CRIP1: variants seen among roughly 807,000 people sequenced by gnomAD.
The protein encoded by CRIP1 is cysteine-rich protein 1.
A neutral mutation model predicts 12.9 loss-of-function variants in CRIP1; 11 were observed. The observed-to-expected ratio is 0.86, with a 90% CI of 0.54 to 1.42. CRIP1 has a LOEUF of 1.42. Ranked by LOEUF, CRIP1 falls within the 40% of genes most tolerant of loss-of-function variation. CRIP1 has a pLI of 0.00. For synonymous variants in CRIP1, 41 were observed against 37.2 expected, an observed-to-expected ratio of 1.10 and a Z score of -0.37; for missense variants, 122 against 101.3, an observed-to-expected ratio of 1.20 and a Z score of -0.88.
intron 2 of CRIP1, 68 bp from the exon 3 acceptor site, chr14:105,488,098 G>T: frequency 6.6e-7 from 1 of 1,512,764 alleles, no homozygotes; most frequent in Non-Finnish European, 9.0e-7. Flanking sequence ...GCAAGAGGCG[G>T]GTACGCCAGT....
chr14:105,487,110 G>A, intron 1 of CRIP1, 89 bp from the exon 2 acceptor site: 2 of 1,406,716 alleles, frequency 1.4e-6, no homozygotes, highest in Non-Finnish European at 1.9e-6. Context: ...CAAGTCCTGG[G>A]TTCAGAGGGC....
chr14:105,488,349 T>C lies in CRIP1; in HGVS notation c.154T>C (p.Cys52Arg). 6.2e-7 allele frequency: 1 copy of C among 1,613,472 alleles called. No individual in the cohort carries two copies. The highest frequency in any genetic ancestry group is 2.2e-5 in the East Asian group (1 of 44,874). The change falls in exon 4 of 6, where the codon TGC becomes CGC. Residue 52 changes from cysteine to arginine, a missense_variant. Cys to Arg is a radical substitution (Grantham distance 180, BLOSUM62 -3). Transcript: ENST00000392531. ...GHAEHEGKPY[C>R]NHPCYAAMFG... is the part of the protein sequence containing the mutation. Reference sequence around the variant, plus strand: ...TTTGCAGCACGAAGGCAAACCCTACTGCAACCACCCCTGCTACGCAGCCAT... The same window carrying C: ...TTTGCAGCACGAAGGCAAACCCTACCGCAACCACCCCTGCTACGCAGCCAT...
chr14:105,487,297 T>G lies in CRIP1; in HGVS notation c.38T>G (p.Phe13Cys), dbSNP rs1308419509. The change falls in exon 2 of 6, where the codon TTC (phenylalanine) becomes TGC (cysteine). Residue 13 changes from phenylalanine to cysteine, a missense_variant and splice_region_variant. Transcript: ENST00000392531. ...CCCAAGTGCAACAAGGAGGTGTACT[T>G]CGGTGAGCGCGCCCACACCGGCCCC... ...KCPKCNKEVYFAERVTSLGKD... is the reference protein window; with the variant it reads ...KCPKCNKEVYCAERVTSLGKD... 1.3e-6 allele frequency: 2 copies of G among 1,543,418 alleles called. No individual in the cohort carries two copies. Among genetic ancestry groups the G allele is most frequent in the Admixed American group, 2.0e-5 (1 of 50,754 alleles).
At position 105,486,928 on chromosome 14, in the gene CRIP1, G is replaced by A. The variant is rs1555438168; in HGVS notation, c.-106G>A. On this transcript the variant is annotated 5_prime_UTR_variant, in exon 1 of 6. Transcript: ENST00000392531. ...GACCCGGGAGACATCACAGCGCTGG[G>A]CTAGGGGCGCGGCTTGAACTCGCCT... 2.6e-6 allele frequency: 3 copies of A among 1,151,418 alleles called. No individual in the cohort carries two copies. In the African/African-American group the frequency reaches 4.9e-5, roughly 19 times the overall value. The allele number at this position is 1,151,418 out of a possible 1,614,324, so 71.3% of individuals were successfully genotyped here. A position where few individuals can be genotyped will look rare whatever the true frequency, so the allele number is the denominator to read the frequency against.
intron 2 of CRIP1, 79 bp from the exon 3 acceptor site, chr14:105,488,087 T>G: frequency 6.7e-7 from 1 of 1,485,414 alleles, no homozygotes; most frequent in South Asian, 1.2e-5. Context: ...CAGAGCTGGC[T>G]GCAAGAGGCG....
In CRIP1 at chr14:105,488,315, G is replaced by A. The variant is rs782489962; in HGVS notation, c.136-16G>A. On this transcript the variant is annotated splice_polypyrimidine_tract_variant and intron_variant, in intron 3 of 5. Transcript: ENST00000392531. ...CCAGGGGTGATGGCACCCCCTCACG[G>A]CCCTTCTCTTTGCAGCACGAAGGCA... is the stretch of plus-strand genomic sequence containing the variant. 1.9e-6 allele frequency: 3 copies of A among 1,613,440 alleles called. No homozygotes were observed. The highest frequency in any genetic ancestry group is 2.2e-5 in the South Asian group (2 of 91,090).
chr14:105,487,882 C>T (rs2141772972), intron 2 of CRIP1: 1 of 484,282 alleles, frequency 2.1e-6, no homozygotes, highest in East Asian at 3.6e-5. Flanking sequence ...CTCGGCCTCG[C>T]CCTCTAGCCC....
Position 105,487,456 on chromosome 14 carries a change from G to A in CRIP1, c.40+157G>A, listed in dbSNP as rs1595463962. The A allele has an allele frequency of 8.2e-6, 5 of 613,044 alleles. No individual in the cohort carries two copies. In the East Asian group the frequency reaches 1.6e-4, roughly 20 times the overall value. 38.0% of individuals were successfully genotyped at this position (613,044 alleles called of 1,614,324 possible). On this transcript the variant is annotated intron_variant, in intron 2 of 5. Coordinates refer to ENST00000392531, the MANE Select transcript of CRIP1 (RefSeq NM_001311.5). ...CGCCGCCTGCCCCGGGATGAGGGTG[G>A]AGGCCCCTGCGTCCGAGGGCCCTGG...
At chr14:105,487,623 G>C (rs587647056) in intron 2 of CRIP1, 1 of 299,608 alleles carries the variant, frequency 3.3e-6, no homozygotes, top group Non-Finnish European at 6.1e-6. Context: ...GAAGGAACGC[G>C]GGGCTGGGGC....
At chr14:105,487,120 C>A (rs1871634571) in intron 1 of CRIP1, 79 bp from the exon 2 acceptor site, 2 of 1,404,994 alleles carry the variant, frequency 1.4e-6, no homozygotes, top group Non-Finnish European at 1.9e-6. Context: ...GTTCAGAGGG[C>A]GGGGCGCGAG....
chr14:105,488,657 GCACAGGTGGTGGAGAC>G lies in CRIP1; in HGVS notation c.*6-4_*17del. 1.1e-6 allele frequency: 1 copy of G among 898,700 alleles called. No homozygotes were observed. Among genetic ancestry groups the G allele is most frequent in the Non-Finnish European group, 1.7e-6 (1 of 580,792 alleles). The allele number at this position is 898,700 out of a possible 1,614,324, so 55.7% of individuals were successfully genotyped here. A position where few individuals can be genotyped will look rare whatever the true frequency, so the allele number is the denominator to read the frequency against. ...CTCACGTCTGTGCCTGTCTCTCTCTGCACAGGTGGTGGAGACCCCATCCTTGGCTGCTTGCAGGGCC... is the reference window on the plus strand; with the variant it reads ...CTCACGTCTGTGCCTGTCTCTCTCTGCCCATCCTTGGCTGCTTGCAGGGCC... On this transcript the variant is annotated splice_acceptor_variant and splice_polypyrimidine_tract_variant and 3_prime_UTR_variant and intron_variant, in exon 6 of 6. Transcript: ENST00000392531. LOFTEE classifies it low-confidence loss of function (3UTR_SPLICE).
At position 105,488,855 on chromosome 14, in the gene CRIP1, C is replaced by G. The variant is rs1350966615; in HGVS notation, c.*198C>G. 4 of 338,720 alleles carry G rather than the reference C, an allele frequency of 1.2e-5. No individual in the cohort carries two copies. The highest frequency in any genetic ancestry group is 8.4e-5 in the African/African-American group (4 of 47,770). The allele number at this position is 338,720 out of a possible 1,614,324, so 21.0% of individuals were successfully genotyped here. On this transcript the variant is annotated 3_prime_UTR_variant, in exon 6 of 6. Transcript: ENST00000392531. ...GGGAGCTGCAGTGGGGTCCTGGCAGCAGGCTCTGCCACCGGCGCCTGCTCT... is the reference window on the plus strand; with the variant it reads ...GGGAGCTGCAGTGGGGTCCTGGCAGGAGGCTCTGCCACCGGCGCCTGCTCT...
Position 105,488,407 on chromosome 14 carries a change from C to A in CRIP1, c.193+19C>A. On this transcript the variant is annotated intron_variant, in intron 4 of 5. Coordinates refer to ENST00000392531, the MANE Select transcript of CRIP1 (RefSeq NM_001311.5). ...CCTAAAGGTATGCTCCCGTCATCCC[C>A]ACCCCACCCCACCCCACAGCCTCCT... 6.4e-7 allele frequency: 1 copy of A among 1,567,528 alleles called. No individual in the cohort carries two copies.
chr14:105,488,570 G>A lies in CRIP1; in HGVS notation c.*5+54G>A. On this transcript the variant is annotated intron_variant, in intron 5 of 5. Transcript: ENST00000392531. ...CTCCTGGTTCCACCCTCGGGATGGG[G>A]ATGCCCCCTCCCAGGGAGGCCTGAC... is the stretch of plus-strand genomic sequence containing the variant. 1.9e-6 allele frequency: 3 copies of A among 1,543,298 alleles called. No homozygotes were observed. The Admixed American group carries it at 5.4e-5, about 28-fold the overall frequency.
At chr14:105,487,852 C>G in intron 2 of CRIP1, 1 of 415,448 alleles carries the variant, frequency 2.4e-6, no homozygotes, top group Non-Finnish European at 4.4e-6. Flanking sequence ...CCCTGCTGAC[C>G]TAAGCCGCGA....
Position 105,488,692 on chromosome 14 carries a change from C to A in CRIP1, c.*35C>A, listed in dbSNP as rs2084153888. 2.6e-5 allele frequency: 18 copies of A among 684,326 alleles called. 1 individual carries two copies. The South Asian group carries it at 3.4e-4, about 13-fold the overall frequency. The allele number at this position is 684,326 out of a possible 1,614,324, so 42.4% of individuals were successfully genotyped here. A position where few individuals can be genotyped will look rare whatever the true frequency, so the allele number is the denominator to read the frequency against. On this transcript the variant is annotated 3_prime_UTR_variant, in exon 6 of 6. Coordinates refer to ENST00000392531, the MANE Select transcript of CRIP1 (RefSeq NM_001311.5). ...TGGAGACCCCATCCTTGGCTGCTTG[C>A]AGGGCCACTGTCCAGGCAAATGCCA...
intron 2 of CRIP1, chr14:105,487,822 A>G (rs1350265301): frequency 2.0e-5 from 6 of 304,420 alleles, no homozygotes; most frequent in African/African-American, 6.5e-5. Context: ...CGGGGCTGAA[A>G]GCAGGCAGCC....
intron 2 of CRIP1, chr14:105,487,801 C>T: frequency 3.7e-6 from 1 of 271,130 alleles, no homozygotes. Context: ...ACCCTTGCCA[C>T]CGCAGAGGCC....
Position 105,488,403 on chromosome 14 carries a change from T to TGGGGCC in CRIP1, c.193+15_193+16insGGGGCC. The TGGGGCC allele has an allele frequency of 6.3e-7, 1 of 1,580,438 alleles. No homozygotes were observed. The highest frequency in any genetic ancestry group is 1.4e-5 in the African/African-American group (1 of 73,028). On this transcript the variant is annotated intron_variant, in intron 4 of 5. Transcript: ENST00000392531. ...TGGGCCTAAAGGTATGCTCCCGTCA[T>TGGGGCC]CCCCACCCCACCCCACCCCACAGCC... is the stretch of plus-strand genomic sequence containing the variant.
Sources: allele counts gnomAD v4.1 joint callset, GRCh38; gene constraint gnomAD v4.1.1; transcripts MANE v1.5; gene names NCBI Gene and HGNC (gene_info 2026-07-23, HGNC 2026-07-21).